Variants in OPRM1 observed in about 807,000 individuals in gnomAD.
OPRM1 encodes the protein opioid receptor mu 1.
OPRM1 carries 27 observed loss-of-function variants against 31.8 expected under a neutral mutation model. That is an observed-to-expected ratio of 0.85 (90% CI 0.63 to 1.17). The LOEUF (loss-of-function observed/expected upper bound fraction) is 1.17. OPRM1 is among the 50% of genes most tolerant of loss of function. The pLI is 0.00. For synonymous variants in OPRM1, 196 were observed against 189.9 expected (o/e 1.03, Z -0.26); for missense variants, 536 against 511.1 (o/e 1.05, Z -0.47).
intron 3 of OPRM1, among the ~76,000 whole-genome samples, chr6:154,098,828 A>G (rs1250679445): frequency 6.6e-6 from 1 of 152,198 alleles, no homozygotes; most frequent in East Asian, 1.9e-4. Flanking sequence ...AATTTGTCTT[A>G]TTGATAATTT....
intron 1 of OPRM1, among the ~76,000 whole-genome samples, chr6:154,068,665 A>G (rs530359979): frequency 3.2e-4 from 48 of 152,330 alleles, no homozygotes; most frequent in African/African-American, 1.0e-3. Flanking sequence ...TGCAATAAAC[A>G]TGGGAACGTA....
intron 1 of OPRM1, among the ~76,000 whole-genome samples, chr6:154,020,185 G>A (rs1778281057): frequency 6.6e-6 from 1 of 152,148 alleles, no homozygotes; most frequent in Non-Finnish European, 1.5e-5. Flanking sequence ...GGTTTTATAT[G>A]GACATAACTT....
chr6:154,086,973 G>A (rs1401503182), intron 1 of OPRM1: 1 of 983,840 alleles, frequency 1.0e-6, no homozygotes, highest in Admixed American at 6.2e-5. Flanking sequence ...CTTTTTTGTT[G>A]GTTTTTGTAC....
chr6:154,150,214 C>A (rs942187576), intron 3 of OPRM1, among the ~76,000 whole-genome samples: 2 of 152,198 alleles, frequency 1.3e-5, no homozygotes, highest in Non-Finnish European at 2.9e-5. Context: ...TCTCCCTGGG[C>A]TCTTGCCCAG....
Position 154,087,394 on chromosome 6 carries a change from G to A in OPRM1, c.291-2432G>A, listed in dbSNP as rs557431734. ...TGAGTTAGACTCAACCTCGTGTGAC[G>A]GAAAAACAGTAAACACAAGCTAACA... On this transcript the variant is annotated intron_variant, in intron 1 of 3. Coordinates refer to ENST00000330432, the MANE Select transcript of OPRM1 (RefSeq NM_000914.5). 5.1e-5 allele frequency: 50 copies of A among 985,406 alleles called. No individual in the cohort carries two copies. In the African/African-American group the frequency reaches 6.3e-4, roughly 12 times the overall value. The allele number at this position is 985,406 out of a possible 1,614,324, so 61.0% of individuals were successfully genotyped here. A position where few individuals can be genotyped will look rare whatever the true frequency, so the allele number is the denominator to read the frequency against.
chr6:154,029,166 C>T (rs1228310394), intron 1 of OPRM1, among the ~76,000 whole-genome samples: 1 of 152,134 alleles, frequency 6.6e-6, no homozygotes, highest in Non-Finnish European at 1.5e-5. Flanking sequence ...ACATATTAAA[C>T]AGTGCCGCCT....
chr6:154,010,543 G>C (rs1407159964), exon 1 of OPRM1: 1 of 1,546,692 alleles, frequency 6.5e-7, no homozygotes, highest in Non-Finnish European at 8.7e-7. Context: ...CAGCACCAAA[G>C]CTGGGAAGCC....
intron 3 of OPRM1, among the ~76,000 whole-genome samples, chr6:154,184,197 TA>T (rs999083328): frequency 2.7e-5 from 4 of 150,360 alleles, no homozygotes; most frequent in Non-Finnish European, 1.5e-5. Context: ...AACTTTCTCT[TA>T]AAAAAAAATA....
At chr6:154,019,716 A>G (rs1483372442) in intron 1 of OPRM1, among the ~76,000 whole-genome samples, 3 of 146,556 alleles carry the variant, frequency 2.0e-5, no homozygotes, top group Non-Finnish European at 4.5e-5. Flanking sequence ...ATGTATTTCC[A>G]TAGCTTAGTG....
chr6:154,113,066 G>A (rs551615396), intron 3 of OPRM1, among the ~76,000 whole-genome samples: 1 of 152,340 alleles, frequency 6.6e-6, no homozygotes, highest in Admixed American at 6.5e-5. Flanking sequence ...AACAGGAACA[G>A]TTGGCTACCA....
rs1018929461 is a variant in OPRM1 at position 154,227,521 on chromosome 6, C to T, written c.1165-19172C>T. Among the ~76,000 whole-genome samples, 68 of 152,136 alleles carry T rather than the reference C, an allele frequency of 4.5e-4. 1 individual carries two copies. Among genetic ancestry groups the T allele is most frequent in the Non-Finnish European group, 1.0e-4 (7 of 68,038 alleles). ...ATCACTTGAGCCCAAGAGTTCAAGACCAGCCTGGGCAACATGGTGAAATCC... is the reference window on the plus strand; with the variant it reads ...ATCACTTGAGCCCAAGAGTTCAAGATCAGCCTGGGCAACATGGTGAAATCC... On this transcript the variant is annotated intron_variant, in intron 3 of 3. Transcript: ENST00000337049.
chr6:154,028,451 C>T (rs6925981), intron 1 of OPRM1, among the ~76,000 whole-genome samples: 1 of 152,056 alleles, frequency 6.6e-6, no homozygotes, highest in Non-Finnish European at 1.5e-5. Context: ...CTAGGGGAGG[C>T]GTGATGCCAG....
intron 3 of OPRM1, among the ~76,000 whole-genome samples, chr6:154,220,769 C>T (rs790266): frequency 0.47 from 71,148 of 152,074 alleles, 16,945 homozygotes; most frequent in Admixed American, 0.58. Flanking sequence ...GGAAATGGAG[C>T]TAGGGATCTA....
chr6:154,221,747 A>G (rs1778880371), intron 3 of OPRM1, among the ~76,000 whole-genome samples: 1 of 151,990 alleles, frequency 6.6e-6, no homozygotes, highest in Non-Finnish European at 1.5e-5. Context: ...GGTGGCGGGC[A>G]CCTCTAGTCC....
At chr6:154,205,031 G>C (rs564304806) in intron 3 of OPRM1, among the ~76,000 whole-genome samples, 26 of 152,200 alleles carry the variant, frequency 1.7e-4, no homozygotes, top group Admixed American at 2.6e-4. Context: ...CCTTCCCATT[G>C]CTTGGACCTC....
chr6:154,044,306 C>T lies in OPRM1; in HGVS notation c.290+4472C>T, dbSNP rs147562194. Among the ~76,000 whole-genome samples, 693 of 152,202 alleles carry T rather than the reference C, an allele frequency of 4.6e-3. 2 individuals carry two copies. Among genetic ancestry groups the T allele is most frequent in the African/African-American group, 0.015 (621 of 41,532 alleles). ...TAGTAAACATATGGAAACACACATA[C>T]ATAGTAAATGTTTTTGTATGTTCTC... On this transcript the variant is annotated intron_variant, in intron 1 of 3. Coordinates refer to ENST00000330432, the MANE Select transcript of OPRM1 (RefSeq NM_000914.5).
rs186758161 is a variant in OPRM1, at chr6:154,237,178, A to T, written c.1165-9515A>T. Among the ~76,000 whole-genome samples, 414 of 152,296 alleles carry T rather than the reference A, an allele frequency of 2.7e-3. 2 individuals are homozygous for T. The highest frequency in any genetic ancestry group is 9.6e-3 in the African/African-American group (400 of 41,554). The stretch of plus-strand genomic sequence containing the variant: ...TCTTCAAATAAAGACTTCTCAGGAA[A>T]ATCCTCAAACCTAATGAAAAGTTCA... On this transcript the variant is annotated intron_variant, in intron 3 of 3. Transcript: ENST00000337049.
At chr6:154,039,873 G>C in intron 1 of OPRM1, 39 bp downstream of exon 1, 1 of 1,518,052 alleles carries the variant, frequency 6.6e-7, no homozygotes, top group Non-Finnish European at 8.8e-7. Flanking sequence ...AGGGTTCAGC[G>C]GCTTAAGGGG....
At chr6:154,044,592 T>G (rs1780735327) in intron 1 of OPRM1, among the ~76,000 whole-genome samples, 1 of 152,144 alleles carries the variant, frequency 6.6e-6, no homozygotes. Context: ...CTAATTGTTT[T>G]AATTAATATT....
Sources: allele counts gnomAD v4.1 joint callset (sites outside exome capture counted in the v4.1 genomes callset), GRCh38; gene constraint gnomAD v4.1.1; transcripts MANE v1.5; gene names NCBI Gene and HGNC (gene_info 2026-07-23, HGNC 2026-07-21).